The following CFAP54 variants were observed in gnomAD, a reference collection of about 807,000 sequenced individuals.
CFAP54 encodes the protein cilia- and flagella-associated protein 54.
Under a neutral mutation model 370.4 loss-of-function variants are expected in CFAP54, and 290 were observed. That is an observed-to-expected ratio of 0.78 (90% confidence interval 0.71 to 0.86). The LOEUF is 0.86. CFAP54 is among the 40% of genes least tolerant of loss of function. CFAP54 has a pLI of 0.00. For synonymous variants in CFAP54, 1,206 were observed against 1,236.5 expected, an observed-to-expected ratio of 0.98 and a Z score of 0.52; for missense variants, 3,399 against 3,528.7, an observed-to-expected ratio of 0.96 and a Z score of 0.93.
Position 96,685,139 on chromosome 12 carries a change from A to G in CFAP54, c.5915A>G (p.His1972Arg). ...TCACTCACCAATGTCACCAACAGTC[A>G]TTCACCTCCGGGTTTCAAAGACTAC... is the stretch of plus-strand genomic sequence containing the variant. ...GPSLTNVTNS[H>R]SPPGFKDYSE... The change falls in exon 42 of 68, where the codon CAT becomes CGT. Residue 1972 changes from histidine (H) to arginine (R), a missense_variant. Physicochemically the swap from His to Arg is conservative, Grantham distance 29. This residue lies in a region of CFAP54 where 2,796 missense variants were observed against 2,869.7 expected (regional missense o/e 0.97). Coordinates refer to ENST00000524981, the MANE Select transcript of CFAP54 (RefSeq NM_001306084.2). 1.9e-6 allele frequency: 3 copies of G among 1,614,136 alleles called. No individual in the cohort carries two copies. The highest frequency in any genetic ancestry group is 2.5e-6 in the Non-Finnish European group (3 of 1,180,010).
intron 9 of CFAP54, 147 bp from the exon 10 acceptor site, chr12:96,533,645 C>T (rs1479156711): frequency 1.6e-6 from 1 of 638,342 alleles, no homozygotes; most frequent in African/African-American, 1.9e-5. Context: ...TATTTGCCCA[C>T]TAAGATTTCT....
At chr12:96,786,653 T>G (rs779536889) in intron 61 of CFAP54, 22 bp from the exon 62 acceptor site, 2 of 1,474,450 alleles carry the variant, frequency 1.4e-6, no homozygotes, top group Admixed American at 4.1e-5. Flanking sequence ...GAACCTAAAC[T>G]AAGGTATTTT....
rs1448846376 is a variant in CFAP54, at chr12:96,621,886, T to G, written c.3771+165T>G. ...GAGCTTTTGGGTTTGTTTTTTTTTT[T>G]TTTTTTTTTTTTTTTTTTTTTAGTT... On this transcript the variant is annotated intron_variant, in intron 27 of 67. Transcript: ENST00000524981. 3.1e-5 allele frequency among the ~76,000 whole-genome samples: 4 copies of G among 130,004 alleles called. 1 individual carries two copies. Among genetic ancestry groups the G allele is most frequent in the Non-Finnish European group, 6.6e-5 (4 of 60,932 alleles). The allele number at this position is 130,004 out of a possible 152,430, so 85.3% of individuals were successfully genotyped here.
chr12:96,604,114 G>A (rs1216544815), intron 26 of CFAP54, among the ~76,000 whole-genome samples: 1 of 152,294 alleles, frequency 6.6e-6, no homozygotes, highest in East Asian at 1.9e-4. Flanking sequence ...GGTCTTTGAT[G>A]TTGGTGACCT....
intron 60 of CFAP54, among the ~76,000 whole-genome samples, chr12:96,782,021 A>G (rs1367076420): frequency 6.6e-6 from 1 of 152,140 alleles, no homozygotes; most frequent in Non-Finnish European, 1.5e-5. Flanking sequence ...TATTTCCAGG[A>G]ATGCAAATGT....
intron 66 of CFAP54, among the ~76,000 whole-genome samples, chr12:96,830,793 C>T (rs1386947263): frequency 2.0e-5 from 3 of 152,138 alleles, no homozygotes; most frequent in Non-Finnish European, 1.5e-5. Context: ...ATTCTCCTGC[C>T]TCAGCCTCTC....
Position 96,630,588 on chromosome 12 carries a change from A to G in CFAP54, c.4253A>G (p.Lys1418Arg), listed in dbSNP as rs1592894712. 2 of 1,502,596 alleles carry G rather than the reference A, an allele frequency of 1.3e-6. No homozygotes were observed. The highest frequency in any genetic ancestry group is 1.8e-6 in the Non-Finnish European group (2 of 1,131,630). 93.1% of individuals were successfully genotyped at this position (1,502,596 alleles called of 1,614,324 possible). ...EMQQRIRSKK[K>R]ETLRDFIFKN... ...CAACAAAGAATAAGAAGTAAAAAAA[A>G]GGAAACTCTAAGAGATTTCATTTTT... Residue 1418 changes from lysine (K) to arginine (R), a missense_variant, in exon 32 of 68, where the codon AAG (lysine) becomes AGG (arginine). Physicochemically the swap from Lys to Arg is conservative, Grantham distance 26 (BLOSUM62 2). Transcript: ENST00000524981.
At chr12:96,822,541 A>G (rs1280469667) in intron 65 of CFAP54, among the ~76,000 whole-genome samples, 2 of 152,204 alleles carry the variant, frequency 1.3e-5, no homozygotes, top group Non-Finnish European at 2.9e-5. Flanking sequence ...GAGAATATAC[A>G]GAAATCAATA....
chr12:96,592,775 T>C (rs1956139725), intron 24 of CFAP54, 138 bp downstream of exon 24: 2 of 339,560 alleles, frequency 5.9e-6, no homozygotes, highest in African/African-American at 2.1e-5. Flanking sequence ...TATGCGACTT[T>C]ATGTGATATT....
intron 63 of CFAP54, among the ~76,000 whole-genome samples, chr12:96,810,743 A>G (rs1958921535): frequency 2.0e-5 from 3 of 152,324 alleles, no homozygotes; most frequent in East Asian, 3.9e-4. Context: ...GATTATGCAG[A>G]TAAAGTCTCC....
At chr12:96,608,308 TAC>T (rs5800256) in intron 26 of CFAP54, among the ~76,000 whole-genome samples, 60,707 of 150,488 alleles carry the variant, frequency 0.4, 12,426 homozygotes, top group South Asian at 0.59. Context: ...CATATATATA[TAC>T]ACACACACAC....
At chr12:96,684,785 T>C in intron 41 of CFAP54, 50 bp downstream of exon 41, 1 of 1,439,650 alleles carries the variant, frequency 6.9e-7, no homozygotes, top group Non-Finnish European at 9.6e-7. Context: ...TTTATTTGCT[T>C]GTTTGAAGAA....
chr12:96,740,713 T>C (rs374334992), intron 51 of CFAP54, among the ~76,000 whole-genome samples: 2 of 152,200 alleles, frequency 1.3e-5, no homozygotes, highest in Admixed American at 6.5e-5. Flanking sequence ...TCTTACTATA[T>C]TGAAAGCAAT....
intron 26 of CFAP54, among the ~76,000 whole-genome samples, chr12:96,610,767 C>A (rs950126189): frequency 6.6e-6 from 1 of 152,218 alleles, no homozygotes; most frequent in Admixed American, 6.5e-5. Context: ...GAGGGTCCCA[C>A]GGCCACAGAG....
At chr12:96,664,858 G>A (rs567950035) in intron 39 of CFAP54, among the ~76,000 whole-genome samples, 12 of 147,372 alleles carry the variant, frequency 8.1e-5, no homozygotes, top group South Asian at 2.2e-4. Context: ...AGGTCAAATG[G>A]TATTTCTGTC....
intron 39 of CFAP54, among the ~76,000 whole-genome samples, chr12:96,672,611 C>T (rs1957160596): frequency 6.6e-6 from 1 of 152,160 alleles, no homozygotes; most frequent in Non-Finnish European, 1.5e-5. Context: ...TAGTCAGAAA[C>T]AATGGGAAGA....
intron 26 of CFAP54, among the ~76,000 whole-genome samples, chr12:96,601,707 T>G (rs1048500345): frequency 1.3e-5 from 2 of 152,228 alleles, no homozygotes; most frequent in African/African-American, 4.8e-5. Context: ...GTCCAGGAAT[T>G]TATCCATTTC....
intron 50 of CFAP54, among the ~76,000 whole-genome samples, chr12:96,725,817 A>G (rs1957825747): frequency 6.6e-6 from 1 of 152,008 alleles, no homozygotes; most frequent in African/African-American, 2.4e-5. Context: ...TGGGTTTGTC[A>G]TAGATAGCTC....
chr12:96,535,008 C>G (rs1410436509), intron 11 of CFAP54, among the ~76,000 whole-genome samples: 2 of 137,338 alleles, frequency 1.5e-5, no homozygotes, highest in African/African-American at 2.8e-5. Flanking sequence ...GTTTTCTTTT[C>G]TGTGTGTGTG....
Sources: allele counts gnomAD v4.1 joint callset (sites outside exome capture counted in the v4.1 genomes callset), GRCh38; gene constraint gnomAD v4.1.1; regional missense constraint gnomAD v4.1.1; transcripts MANE v1.5; gene names NCBI Gene and HGNC (gene_info 2026-07-23, HGNC 2026-07-21).